Variants in PRKCQ observed in about 807,000 individuals in gnomAD.
PRKCQ encodes the protein protein kinase C theta.
Under a neutral mutation model 91.2 loss-of-function variants are expected in PRKCQ, and 41 were observed. The ratio of observed to expected loss-of-function variants is 0.45; its 90% CI spans 0.35 to 0.58. The LOEUF (loss-of-function observed/expected upper bound fraction) is 0.58, where lower values mean the gene tolerates loss of function less well. Ranked by LOEUF, PRKCQ falls within the 20% of genes least tolerant of loss-of-function variation. The pLI is 0.00. For synonymous variants in PRKCQ, 307 were observed against 316.9 expected, an observed-to-expected ratio of 0.97 and a Z score of 0.33; for missense variants, 673 against 896.5, an observed-to-expected ratio of 0.75 and a Z score of 3.18.
At chr10:6,425,385 C>G (rs1323887927), downstream of PRKCQ, among the ~76,000 whole-genome samples, 2 of 152,014 alleles carry the variant, frequency 1.3e-5, no homozygotes, top group African/African-American at 4.8e-5. Flanking sequence ...CCACCATGCT[C>G]AGCTAATTTT....
chr10:6,578,558 C>G (rs562670118), intron 1 of PRKCQ, among the ~76,000 whole-genome samples: 4 of 152,312 alleles, frequency 2.6e-5, no homozygotes, highest in Non-Finnish European at 4.4e-5. Context: ...CGCTAACTTG[C>G]AGGAGCTGTG....
intron 15 of PRKCQ, among the ~76,000 whole-genome samples, chr10:6,450,013 A>G (rs1240943622): frequency 2.0e-5 from 3 of 151,548 alleles, no homozygotes; most frequent in Non-Finnish European, 4.4e-5. Context: ...GACTAGGAAG[A>G]AACTGCATCA....
chr10:6,579,247 T>C (rs1244140841), intron 1 of PRKCQ, among the ~76,000 whole-genome samples: 1 of 152,164 alleles, frequency 6.6e-6, no homozygotes, highest in Non-Finnish European at 1.5e-5. Context: ...AGATGGTTCA[T>C]TTCCCATGGA....
intron 16 of PRKCQ, among the ~76,000 whole-genome samples, chr10:6,438,903 G>A (rs1238139467): frequency 6.6e-6 from 1 of 152,232 alleles, no homozygotes. Flanking sequence ...CAGCCTAGAT[G>A]TGCTAGGCTC....
intron 10 of PRKCQ, among the ~76,000 whole-genome samples, chr10:6,484,128 C>T (rs774217325): frequency 1.2e-4 from 18 of 152,126 alleles, no homozygotes; most frequent in Non-Finnish European, 2.5e-4. Context: ...ATGCTGCCTA[C>T]GTTGGCCGGG....
intron 15 of PRKCQ, among the ~76,000 whole-genome samples, chr10:6,454,947 C>A (rs528317393): frequency 8.4e-4 from 128 of 152,094 alleles, no homozygotes; most frequent in Non-Finnish European, 1.5e-3. Flanking sequence ...AGATGGAAAT[C>A]GGGAAGGAAG....
At chr10:6,512,827 A>T (rs893721676) in intron 2 of PRKCQ, among the ~76,000 whole-genome samples, 5 of 152,166 alleles carry the variant, frequency 3.3e-5, no homozygotes, top group Non-Finnish European at 7.3e-5. Flanking sequence ...GACATAAACC[A>T]TGAGACTACT....
At chr10:6,515,263 T>A in intron 1 of PRKCQ, 119 bp from the exon 2 acceptor site, 1 of 1,551,460 alleles carries the variant, frequency 6.4e-7, no homozygotes, top group South Asian at 1.2e-5. Context: ...ATAGGTCCAC[T>A]ATCCATGTGA....
chr10:6,531,131 G>A (rs1416454316), intron 1 of PRKCQ, among the ~76,000 whole-genome samples: 1 of 152,132 alleles, frequency 6.6e-6, no homozygotes, highest in Non-Finnish European at 1.5e-5. Flanking sequence ...AAATCCTGCA[G>A]CCCCACCCAG....
intron 15 of PRKCQ, among the ~76,000 whole-genome samples, chr10:6,453,502 GTCAGTGTGGCGATTCC>G (rs1214122497): frequency 6.6e-6 from 1 of 152,238 alleles, no homozygotes; most frequent in Non-Finnish European, 1.5e-5. Flanking sequence ...CATTGTGGAA[GTCAGTGTGGCGATTCC>G]TCAGGGATCT....
At chr10:6,562,325 G>A (rs780503759) in intron 1 of PRKCQ, among the ~76,000 whole-genome samples, 13 of 152,104 alleles carry the variant, frequency 8.5e-5, no homozygotes, top group African/African-American at 1.7e-4. Context: ...AGTTCCATGC[G>A]GTTTTTCAGC....
rs995304373 is a variant in PRKCQ, at chr10:6,517,597, T to A, written c.-9-2453A>T. On this transcript the variant is annotated intron_variant, in intron 1 of 17. Coordinates refer to ENST00000263125, the MANE Select transcript of PRKCQ (RefSeq NM_006257.5). ...ATCTTTAAGATAGCATCTTTTTTTT[T>A]TTTTTTTTTTTTTTTTTTTTTTTTT... Among the ~76,000 whole-genome samples, 5 of 138,066 alleles carry A rather than the reference T, an allele frequency of 3.6e-5. 1 individual carries two copies. The South Asian group carries it at 1.2e-3, about 32-fold the overall frequency. The allele number at this position is 138,066 out of a possible 152,430, so 90.6% of individuals were successfully genotyped here.
chr10:6,454,930 A>C (rs151285851), intron 15 of PRKCQ, among the ~76,000 whole-genome samples: 110 of 152,348 alleles, frequency 7.2e-4, no homozygotes, highest in African/African-American at 2.6e-3. Flanking sequence ...CGGATTCTGC[A>C]AGAAGCAGAT....
At chr10:6,547,179 C>T (rs150143158) in intron 1 of PRKCQ, among the ~76,000 whole-genome samples, 66 of 152,100 alleles carry the variant, frequency 4.3e-4, no homozygotes, top group Non-Finnish European at 6.9e-4. Context: ...TTACAAGGGA[C>T]GTGAAGGACC....
chr10:6,475,557 G>A (rs140412097), intron 12 of PRKCQ, among the ~76,000 whole-genome samples: 1 of 152,298 alleles, frequency 6.6e-6, no homozygotes, highest in East Asian at 1.9e-4. Context: ...CAACAGGTGC[G>A]CTCTTTGGAG....
At chr10:6,454,117 T>C (rs909413940) in intron 15 of PRKCQ, among the ~76,000 whole-genome samples, 6 of 152,166 alleles carry the variant, frequency 3.9e-5, no homozygotes, top group Non-Finnish European at 7.3e-5. Context: ...AACTATATAT[T>C]ATTGTTAGTA....
chr10:6,520,698 C>T (rs1336723935), intron 1 of PRKCQ, among the ~76,000 whole-genome samples: 1 of 152,142 alleles, frequency 6.6e-6, no homozygotes, highest in South Asian at 2.1e-4. Flanking sequence ...AGTTCTCAGC[C>T]CTGGCTCCTG....
chr10:6,478,509 G>A (rs1481182849), intron 12 of PRKCQ, among the ~76,000 whole-genome samples: 1 of 152,194 alleles, frequency 6.6e-6, no homozygotes, highest in Non-Finnish European at 1.5e-5. Flanking sequence ...GAGTGGGAAT[G>A]CAGACGCATC....
At chr10:6,425,048 G>C (rs1833082832), downstream of PRKCQ, among the ~76,000 whole-genome samples, 2 of 152,114 alleles carry the variant, frequency 1.3e-5, no homozygotes, top group African/African-American at 4.8e-5. Flanking sequence ...CCCTGAATTA[G>C]GAAGTCCACT....
Sources: gnomAD v4.1 joint callset for allele counts (sites outside exome capture counted in the v4.1 genomes callset) on GRCh38, gnomAD v4.1.1 for gene constraint, MANE v1.5 for transcripts, NCBI Gene and HGNC (gene_info 2026-07-23, HGNC 2026-07-21) for gene names.